The following C16orf95 variants were observed in gnomAD, a reference collection of about 807,000 sequenced individuals.
The protein encoded by C16orf95 is chromosome 16 open reading frame 95, also known as uncharacterized protein C16orf95.
C16orf95 carries 41 observed loss-of-function variants against 32.1 expected under a neutral mutation model. The ratio of observed to expected loss-of-function variants is 1.28; its 90% confidence interval spans 1.00 to 1.66. C16orf95 has a LOEUF of 1.66. Ranked by LOEUF, C16orf95 falls within the 40% of genes most tolerant of loss-of-function variation. C16orf95 has a pLI of 0.00. For missense variants in C16orf95, 399 were observed against 325.9 expected, an observed-to-expected ratio of 1.22 and a Z score of -1.73; for synonymous variants, 147 against 128.9, an observed-to-expected ratio of 1.14 and a Z score of -0.95.
chr16:87,310,993 T>C (rs923367291), intron 4 of C16orf95, among the ~76,000 whole-genome samples, 157 bp downstream of exon 4: 13 of 152,172 alleles, frequency 8.5e-5, no homozygotes, highest in Non-Finnish European at 1.5e-4. Flanking sequence ...CCCAAGCCCA[T>C]GGCCACAGCT....
Position 87,302,955 on chromosome 16 carries a change from G to A in C16orf95, c.*102C>T. ...CTGGGTGTGGATTCTGTTCTGAGAA[G>A]ACAGCGACTGTCACAGACGCCTCCT... On this transcript the variant is annotated 3_prime_UTR_variant, in exon 7 of 7. Transcript: ENST00000567970. 1 of 1,206,310 alleles carries A rather than the reference G, an allele frequency of 8.3e-7. No homozygotes were observed. The highest frequency in any genetic ancestry group is 1.3e-5 in the South Asian group (1 of 77,274). The allele number at this position is 1,206,310 out of a possible 1,614,324, so 74.7% of individuals were successfully genotyped here. A position where few individuals can be genotyped will look rare whatever the true frequency, so the allele number is the denominator to read the frequency against.
At position 87,311,261 on chromosome 16, in the gene C16orf95, G is replaced by C. The variant is rs74038425; in HGVS notation, c.366C>G (p.Thr122=). 3 of 1,535,096 alleles carry C rather than the reference G, an allele frequency of 2.0e-6. No individual in the cohort carries two copies. Among genetic ancestry groups the C allele is most frequent in the Admixed American group, 3.9e-5 (2 of 50,932 alleles). ...GGCATAGGCAGGGGCACATCTTGGC[G>C]GTTTGGGGGATAGGAAATTGAACCG... ...QKTVQFPIPQ[T]AKMCPCLCHR... The change falls in exon 4 of 7, where the codon ACC becomes ACG. Residue 122 remains threonine (T), a synonymous_variant. Coordinates refer to ENST00000567970, the MANE Select transcript of C16orf95 (RefSeq NM_001195124.3).
intron 5 of C16orf95, among the ~76,000 whole-genome samples, chr16:87,308,192 G>A (rs1356632333): frequency 6.6e-6 from 1 of 152,070 alleles, no homozygotes; most frequent in Non-Finnish European, 1.5e-5. Flanking sequence ...CCCATAATAA[G>A]CAGGTGTTGG....
At chr16:87,314,436 T>C (rs1305952763) in intron 3 of C16orf95, among the ~76,000 whole-genome samples, 5 of 152,208 alleles carry the variant, frequency 3.3e-5, no homozygotes, top group African/African-American at 9.6e-5. Flanking sequence ...ACCCCATTTA[T>C]ATAAAATCAT....
chr16:87,316,407 G>A (rs577262449), intron 1 of C16orf95, among the ~76,000 whole-genome samples: 1 of 152,280 alleles, frequency 6.6e-6, no homozygotes, highest in Admixed American at 6.5e-5. Context: ...TGGGTGCAAA[G>A]CCCTGCTTCC....
chr16:87,305,582 C>A lies in C16orf95; in HGVS notation c.701+137G>T. On this transcript the variant is annotated intron_variant, in intron 6 of 6. Transcript: ENST00000567970. The surrounding 1 kb of genome is among the most constrained non-coding windows in gnomAD (Gnocchi z 4.2). ...TGCAGAGCACCACAGGACACACTCA[C>A]AGTGCCGGGCCTTGGACGCCTGTCA... is the stretch of plus-strand genomic sequence containing the variant. The A allele has an allele frequency of 8.7e-6, 6 of 692,146 alleles. No individual in the cohort carries two copies. Among genetic ancestry groups the A allele is most frequent in the Non-Finnish European group, 1.3e-5 (6 of 445,612 alleles). 42.9% of individuals were successfully genotyped at this position (692,146 alleles called of 1,614,324 possible).
chr16:87,317,142 C>A lies in C16orf95; in HGVS notation c.101G>T (p.Gly34Val). The change falls in exon 1 of 7, where the codon GGG becomes GTG. Residue 34 changes from glycine (G) to valine (V), a missense_variant. Coordinates refer to ENST00000567970, the MANE Select transcript of C16orf95 (RefSeq NM_001195124.3). ...SGAAAGGPGAGCVGLCRLALT... is the reference protein window; with the variant it reads ...SGAAAGGPGAVCVGLCRLALT... The stretch of plus-strand genomic sequence containing the variant: ...TGCCAACCTGCAGAGCCCGACGCAC[C>A]CCGCGCCCGGCCCCCCGGCAGCAGC... The A allele has an allele frequency of 6.5e-7, 1 of 1,534,292 alleles. No individual in the cohort carries two copies. The highest frequency in any genetic ancestry group is 1.4e-5 in the African/African-American group (1 of 73,130).
At chr16:87,309,835 TATGTA>T (rs1475765958) in intron 5 of C16orf95, among the ~76,000 whole-genome samples, 1 of 152,236 alleles carries the variant, frequency 6.6e-6, no homozygotes, top group African/African-American at 2.4e-5. Context: ...ATGAGCATAC[TATGTA>T]ATGAATAGAT....
chr16:87,310,211 G>C lies in C16orf95; in HGVS notation c.514+86C>G. 3 of 1,329,374 alleles carry C rather than the reference G, an allele frequency of 2.3e-6. No individual in the cohort carries two copies. The South Asian group carries it at 3.8e-5, about 17-fold the overall frequency. The allele number at this position is 1,329,374 out of a possible 1,614,324, so 82.3% of individuals were successfully genotyped here. A position where few individuals can be genotyped will look rare whatever the true frequency, so the allele number is the denominator to read the frequency against. On this transcript the variant is annotated intron_variant, in intron 5 of 6. Transcript: ENST00000567970. ...ACTGTGGGCAGGTGTCTGGTGATGA[G>C]AGGTCTGCCCCCACCATCATGATGC...
intron 1 of C16orf95, among the ~76,000 whole-genome samples, chr16:87,316,772 T>C (rs892426203): frequency 6.6e-6 from 1 of 152,128 alleles, no homozygotes; most frequent in Non-Finnish European, 1.5e-5. Context: ...TCTGATAACA[T>C]GTAAACCTCA....
chr16:87,305,330 T>C lies in C16orf95; in HGVS notation c.701+389A>G, dbSNP rs1302400462. ...GGGACAGGCAAGAGGTCCCCATACC[T>C]GAGGGGGTGCTCAGAGCTCAGAGGC... On this transcript the variant is annotated intron_variant, in intron 6 of 6. Coordinates refer to ENST00000567970, the MANE Select transcript of C16orf95 (RefSeq NM_001195124.3). This position sits in a 1 kb window ranked among gnomAD's most constrained non-coding sequence, Gnocchi z 4.2. Among the ~76,000 whole-genome samples, 3 of 152,084 alleles carry C rather than the reference T, an allele frequency of 2.0e-5. No individual in the cohort carries two copies. Among genetic ancestry groups the C allele is most frequent in the Non-Finnish European group, 4.4e-5 (3 of 67,986 alleles).
chr16:87,315,715 C>T (rs992788036), intron 2 of C16orf95, 57 bp downstream of exon 2: 1 of 1,307,962 alleles, frequency 7.6e-7, no homozygotes, highest in Non-Finnish European at 1.0e-6. Flanking sequence ...CTGCTCTCCT[C>T]ACCCCACAGG....
chr16:87,316,883 C>T (rs1904360357), intron 1 of C16orf95, among the ~76,000 whole-genome samples: 1 of 152,198 alleles, frequency 6.6e-6, no homozygotes, highest in South Asian at 2.1e-4. Flanking sequence ...TCAATGTGTA[C>T]CTGGATACAT....
At chr16:87,314,596 G>A (rs2150655704) in intron 3 of C16orf95, among the ~76,000 whole-genome samples, 1 of 152,308 alleles carries the variant, frequency 6.6e-6, no homozygotes, top group East Asian at 1.9e-4. Context: ...GTGGTGGTGG[G>A]TTCAGGGGGG....
intron 3 of C16orf95, among the ~76,000 whole-genome samples, chr16:87,312,327 G>A (rs1037077567): frequency 6.6e-6 from 1 of 152,208 alleles, no homozygotes; most frequent in African/African-American, 2.4e-5. Context: ...CCAGCATTTT[G>A]GGAGGCCAAG....
intron 3 of C16orf95, among the ~76,000 whole-genome samples, chr16:87,312,676 A>G (rs74379015): frequency 0.17 from 26,393 of 152,016 alleles, 2,359 homozygotes; most frequent in South Asian, 0.31. Flanking sequence ...TCAACACTGT[A>G]CTGAAAGGTC....
rs1313149490 is a variant in C16orf95, at chr16:87,302,962, A to ACTGT, written c.*91_*94dup. The ACTGT allele has an allele frequency of 4.0e-6, 5 of 1,256,020 alleles. No individual in the cohort carries two copies. The African/African-American group carries it at 7.4e-5, about 19-fold the overall frequency. The allele number at this position is 1,256,020 out of a possible 1,614,324, so 77.8% of individuals were successfully genotyped here. On this transcript the variant is annotated 3_prime_UTR_variant, in exon 7 of 7. Coordinates refer to ENST00000567970, the MANE Select transcript of C16orf95 (RefSeq NM_001195124.3). ...TGGATTCTGTTCTGAGAAGACAGCG[A>ACTGT]CTGTCACAGACGCCTCCTGATTGGT...
At chr16:87,308,631 C>T (rs930103039) in intron 5 of C16orf95, among the ~76,000 whole-genome samples, 10 of 152,354 alleles carry the variant, frequency 6.6e-5, no homozygotes, top group South Asian at 2.1e-4. Context: ...ACTCTTACCA[C>T]GATGGGACCA....
rs1346329549 is a variant in C16orf95 at position 87,317,159 on chromosome 16, G to A, written c.84C>T (p.Ala28=). Residue 28 remains alanine, a synonymous_variant, in exon 1 of 7, where the codon GCC becomes GCT. Coordinates refer to ENST00000567970, the MANE Select transcript of C16orf95 (RefSeq NM_001195124.3). ...EATGAASGAA[A]GGPGAGCVGL... is the part of the protein sequence containing the mutation. The stretch of plus-strand genomic sequence containing the variant: ...CGACGCACCCCGCGCCCGGCCCCCC[G>A]GCAGCAGCGCCTGAGGCTGCTCCAG... The A allele has an allele frequency of 1.0e-5, 16 of 1,527,460 alleles. No homozygotes were observed. The highest frequency in any genetic ancestry group is 1.2e-5 in the Non-Finnish European group (14 of 1,143,514). 94.6% of individuals were successfully genotyped at this position (1,527,460 alleles called of 1,614,324 possible).
Sources: gnomAD v4.1 joint callset for allele counts (sites outside exome capture counted in the v4.1 genomes callset) on GRCh38, gnomAD v4.1.1 for gene constraint, Gnocchi (gnomAD v3.1) non-coding constraint, MANE v1.5 for transcripts, NCBI Gene and HGNC (gene_info 2026-07-23, HGNC 2026-07-21) for gene names.